The following ZNF324B variants were observed in gnomAD, a reference collection of about 807,000 sequenced individuals.
ZNF324B encodes zinc finger protein 324B.
Under a neutral mutation model 10.6 loss-of-function variants are expected in ZNF324B, and 7 were observed. The observed-to-expected ratio is 0.66, with a 90% CI of 0.38 to 1.24. The LOEUF (loss-of-function observed/expected upper bound fraction) is 1.24. Among genes scored for constraint, ZNF324B ranks in the 50% most tolerant of loss-of-function variants. The pLI, the probability that ZNF324B is intolerant of heterozygous loss-of-function variation, is 0.02. For synonymous variants in ZNF324B, 316 were observed against 321.0 expected, an observed-to-expected ratio of 0.98 and a Z score of 0.17; for missense variants, 640 against 764.7, an observed-to-expected ratio of 0.84 and a Z score of 1.92.
chr19:58,437,169 A>G, the ZNF324B span: 2 of 1,612,934 alleles, frequency 1.2e-6, no homozygotes, highest in Middle Eastern at 1.7e-4. Flanking sequence ...AAAGGTTACC[A>G]TGCTCTTCAA....
the ZNF324B span, chr19:58,434,849 T>C: frequency 6.2e-7 from 1 of 1,614,170 alleles, no homozygotes; most frequent in Non-Finnish European, 8.5e-7. Flanking sequence ...AGGATGACCT[T>C]CCCACCTTCC....
the ZNF324B span, among the ~76,000 whole-genome samples, chr19:58,424,854 C>G: frequency 3.3e-5 from 5 of 152,090 alleles, 1 homozygote; most frequent in African/African-American, 9.6e-5. Context: ...ACCATATACC[C>G]CCAAAATTCC....
At chr19:58,420,068 G>C in the ZNF324B span, among the ~76,000 whole-genome samples, 1 of 152,124 alleles carries the variant, frequency 6.6e-6, no homozygotes, top group African/African-American at 2.4e-5. Flanking sequence ...GATCACTTTA[G>C]GTCAGGAGTT....
the ZNF324B span, chr19:58,434,303 C>T: frequency 6.2e-7 from 1 of 1,614,180 alleles, no homozygotes; most frequent in Non-Finnish European, 8.5e-7. Context: ...AAGGCTCTTC[C>T]ACATTTCAGG....
At chr19:58,425,480 T>C in the ZNF324B span, among the ~76,000 whole-genome samples, 5 of 151,222 alleles carry the variant, frequency 3.3e-5, no homozygotes, top group African/African-American at 1.2e-4. Context: ...TCCTTTTTTT[T>C]TTTTTTTTAG....
chr19:58,453,491 G>A (rs1599980280), intron 1 of ZNF324B, among the ~76,000 whole-genome samples: 2 of 152,194 alleles, frequency 1.3e-5, no homozygotes, highest in African/African-American at 4.8e-5. Context: ...CAGTGGGGAA[G>A]TCAAGAAGCC....
chr19:58,439,613 T>A, the ZNF324B span: 1 of 772,836 alleles, frequency 1.3e-6, no homozygotes, highest in Middle Eastern at 2.4e-4. Context: ...TAAGGGTAAG[T>A]GACTCCCAGG....
chr19:58,451,141 G>C (rs750140908), upstream of ZNF324B, among the ~76,000 whole-genome samples: 4 of 152,210 alleles, frequency 2.6e-5, no homozygotes, highest in Non-Finnish European at 5.9e-5. Context: ...CTGACACACA[G>C]AGAGATCAAA....
At chr19:58,433,732 T>G in the ZNF324B span, 1 of 1,614,084 alleles carries the variant, frequency 6.2e-7, no homozygotes, top group Non-Finnish European at 8.5e-7. Flanking sequence ...ATTGCACTCA[T>G]AAGGCCTTTC....
In ZNF324B at chr19:58,451,651, C is replaced by T. The variant is rs893187; in HGVS notation, c.-60C>T. The T allele has an allele frequency of 1.9e-6, 1 of 515,600 alleles. No homozygotes were observed. The highest frequency in any genetic ancestry group is 3.9e-6 in the Non-Finnish European group (1 of 258,360). 31.9% of individuals were successfully genotyped at this position (515,600 alleles called of 1,614,324 possible). The stretch of plus-strand genomic sequence containing the variant: ...CTTGGCTGCTCGCGTCAGGCCACAC[C>T]GGTGGTCTGGGCTGTGGCGCGCGGG... On this transcript the variant is annotated 5_prime_UTR_variant, in exon 1 of 4. Transcript: ENST00000336614.
At chr19:58,419,926 C>T in the ZNF324B span, among the ~76,000 whole-genome samples, 1 of 152,188 alleles carries the variant, frequency 6.6e-6, no homozygotes, top group Non-Finnish European at 1.5e-5. Context: ...GATCCTTCTA[C>T]CTCAGCCTCC....
At chr19:58,450,045 G>T (rs1266579256), upstream of ZNF324B, among the ~76,000 whole-genome samples, 2 of 152,158 alleles carry the variant, frequency 1.3e-5, no homozygotes, top group Non-Finnish European at 2.9e-5. Context: ...GCCCCAGTTA[G>T]AGGTAACTGA....
the ZNF324B span, among the ~76,000 whole-genome samples, chr19:58,427,439 C>CCT: frequency 1.9e-3 from 66 of 34,344 alleles, 1 homozygote; most frequent in African/African-American, 4.8e-3. Flanking sequence ...TCCTTCCTTC[C>CCT]TTCCTTTCCT....
chr19:58,438,674 C>T, the ZNF324B span, among the ~76,000 whole-genome samples: 3 of 151,940 alleles, frequency 2.0e-5, no homozygotes, highest in East Asian at 1.9e-4. Context: ...GGGGTTTCAC[C>T]GTGTTAGCCA....
chr19:58,445,523 G>A, the ZNF324B span: 4 of 517,782 alleles, frequency 7.7e-6, no homozygotes, highest in Non-Finnish European at 1.5e-5. Flanking sequence ...TAGTATAAAA[G>A]AATTCACACT....
rs200090858 is a variant in ZNF324B, at chr19:58,453,802, T to C, written c.101T>C (p.Phe34Ser). 329 of 1,614,126 alleles carry C rather than the reference T, an allele frequency of 2.0e-4. 1 individual carries two copies. The South Asian group carries it at 3.4e-3, about 17-fold the overall frequency. The change falls in exon 2 of 4, where the codon TTC becomes TCC. Residue 34 changes from phenylalanine to serine, a missense_variant. Around this residue, in one of 3 missense-constraint regions of ZNF324B, gnomAD observed 345 missense variants for 387.9 expected, o/e 0.89. Coordinates refer to ENST00000336614, the MANE Select transcript of ZNF324B (RefSeq NM_207395.3). ...ALYRHVMLEN[F>S]TLVTSLGLST... ...TACCGCCACGTGATGCTGGAAAACT[T>C]CACACTTGTGACCTCACTTGGTAAG... is the stretch of plus-strand genomic sequence containing the variant.
the ZNF324B span, among the ~76,000 whole-genome samples, chr19:58,426,310 G>A: frequency 1.3e-5 from 2 of 152,234 alleles, no homozygotes; most frequent in Non-Finnish European, 2.9e-5. Context: ...TATAATGGCT[G>A]AAGCTCTGGT....
Position 58,455,323 on chromosome 19 carries a change from G to A in ZNF324B, c.379G>A (p.Gly127Ser), listed in dbSNP as rs952815986. ...TGTAAAAAGCCTGCAGCGACAACCG[G>A]GTGCCTCCCCATCTCAGGAGAGAAA... The part of the protein sequence containing the change: ...HSVKSLQRQP[G>S]ASPSQERKPT... The change falls in exon 4 of 4, where the codon GGT (glycine) becomes AGT (serine). Residue 127 changes from glycine (G) to serine (S), a missense_variant. This residue lies in a region of ZNF324B where 345 missense variants were observed against 387.9 expected (regional missense o/e 0.89). Coordinates refer to ENST00000336614, the MANE Select transcript of ZNF324B (RefSeq NM_207395.3). The surrounding 1 kb of genome is among the most constrained non-coding windows in gnomAD (Gnocchi z 7.0). 1 of 1,614,220 alleles carries A rather than the reference G, an allele frequency of 6.2e-7. No homozygotes were observed. Among genetic ancestry groups the A allele is most frequent in the Admixed American group, 1.7e-5 (1 of 60,032 alleles).
the ZNF324B span, among the ~76,000 whole-genome samples, chr19:58,439,237 C>G: frequency 6.6e-6 from 1 of 152,216 alleles, no homozygotes; most frequent in Non-Finnish European, 1.5e-5. Context: ...CAGCTCCTCA[C>G]TGGCCTTCCT....
Sources: allele counts gnomAD v4.1 joint callset (sites outside exome capture counted in the v4.1 genomes callset), GRCh38; gene constraint gnomAD v4.1.1; regional missense constraint gnomAD v4.1.1; non-coding constraint Gnocchi (gnomAD v3.1); transcripts MANE v1.5; gene names NCBI Gene and HGNC (gene_info 2026-07-23, HGNC 2026-07-21).